The following CNTNAP5 variants were observed in gnomAD, a reference collection of about 807,000 sequenced individuals.
CNTNAP5 encodes the protein contactin associated protein family member 5, also known as contactin-associated protein-like 5.
A neutral mutation model predicts 150.2 loss-of-function variants in CNTNAP5; 72 were observed. The observed-to-expected ratio is 0.48, with a 90% CI of 0.40 to 0.58. The LOEUF is 0.58. Ranked by LOEUF, CNTNAP5 falls within the 20% of genes least tolerant of loss-of-function variation. The pLI is 0.00. For synonymous variants in CNTNAP5, 672 were observed against 619.8 expected (o/e 1.08, Z -1.25); for missense variants, 1,636 against 1,626.2 (o/e 1.01, Z -0.10).
chr2:124,763,050 T>C (rs1173516883), intron 14 of CNTNAP5, among the ~76,000 whole-genome samples: 1 of 152,096 alleles, frequency 6.6e-6, no homozygotes, highest in Non-Finnish European at 1.5e-5. Context: ...CAATGGCTTA[T>C]CCTATTCTTT....
intron 3 of CNTNAP5, among the ~76,000 whole-genome samples, chr2:124,398,010 T>C (rs1288227558): frequency 1.3e-5 from 2 of 152,236 alleles, no homozygotes; most frequent in African/African-American, 4.8e-5. Flanking sequence ...TTTTTTGTGC[T>C]TCATAATAGA....
chr2:124,685,165 CT>C (rs1679162801), intron 13 of CNTNAP5, among the ~76,000 whole-genome samples: 1 of 152,152 alleles, frequency 6.6e-6, no homozygotes, highest in Non-Finnish European at 1.5e-5. Context: ...CGAGACACCC[CT>C]GGATGAAAAT....
At chr2:124,270,477 C>A (rs1305047224) in intron 3 of CNTNAP5, among the ~76,000 whole-genome samples, 3 of 152,112 alleles carry the variant, frequency 2.0e-5, no homozygotes, top group African/African-American at 4.8e-5. Flanking sequence ...GCTCCTAGGT[C>A]AGGGGCTGGC....
chr2:124,425,410 G>A (rs1011929654), intron 4 of CNTNAP5, among the ~76,000 whole-genome samples: 2 of 152,174 alleles, frequency 1.3e-5, no homozygotes, highest in African/African-American at 2.4e-5. Flanking sequence ...TACTGATGAC[G>A]GTAGAAGTCA....
chr2:124,484,721 G>GTGATT lies in CNTNAP5; in HGVS notation c.1062+9839_1062+9840insTGATT, dbSNP rs1367776218. 5.9e-5 allele frequency among the ~76,000 whole-genome samples: 9 copies of GTGATT among 152,214 alleles called. No individual in the cohort carries two copies. The East Asian group carries it at 1.7e-3, about 29-fold the overall frequency. ...GGCCTTTTAGAAGTACAACACTAAAGGTTATAGATCAGTGATTATTAGTAT... is the reference window on the plus strand; with the variant it reads ...GGCCTTTTAGAAGTACAACACTAAAGTGATTGTTATAGATCAGTGATTATTAGTAT... On this transcript the variant is annotated intron_variant, in intron 7 of 23. Transcript: ENST00000682447.
intron 3 of CNTNAP5, among the ~76,000 whole-genome samples, chr2:124,350,488 G>A (rs1219794220): frequency 1.3e-5 from 2 of 150,754 alleles, no homozygotes; most frequent in Non-Finnish European, 3.0e-5. Flanking sequence ...TCCATGGTCA[G>A]TTCTTACGCC....
intron 10 of CNTNAP5, among the ~76,000 whole-genome samples, chr2:124,551,068 C>T (rs1695616590): frequency 6.6e-6 from 1 of 152,112 alleles, no homozygotes; most frequent in African/African-American, 2.4e-5. Context: ...AGGACCTTTC[C>T]CTTTTCTGTT....
intron 3 of CNTNAP5, among the ~76,000 whole-genome samples, chr2:124,372,840 G>A (rs989776111): frequency 6.6e-6 from 1 of 152,060 alleles, no homozygotes; most frequent in African/African-American, 2.4e-5. Context: ...AACACAGGAC[G>A]AAGCACTAAC....
At chr2:124,237,288 T>C (rs1007116875) in intron 2 of CNTNAP5, among the ~76,000 whole-genome samples, 2 of 152,182 alleles carry the variant, frequency 1.3e-5, no homozygotes, top group Non-Finnish European at 2.9e-5. Context: ...TAGTATATAA[T>C]CCATTTTGTG....
chr2:124,031,687 A>G (rs1483136759), intron 1 of CNTNAP5, among the ~76,000 whole-genome samples: 2 of 152,170 alleles, frequency 1.3e-5, no homozygotes, highest in African/African-American at 4.8e-5. Flanking sequence ...CAATTTTATT[A>G]ACTTGCTTTA....
At chr2:124,463,760 C>T (rs1455621197) in intron 6 of CNTNAP5, among the ~76,000 whole-genome samples, 1 of 152,112 alleles carries the variant, frequency 6.6e-6, no homozygotes, top group African/African-American at 2.4e-5. Flanking sequence ...GTCACCTTAG[C>T]CTGGGACTTT....
At chr2:124,749,165 A>C (rs1276714840) in intron 14 of CNTNAP5, among the ~76,000 whole-genome samples, 2 of 152,178 alleles carry the variant, frequency 1.3e-5, no homozygotes. Flanking sequence ...CTGCCGTAAA[A>C]CATATTCAAA....
chr2:124,747,287 A>T lies in CNTNAP5; in HGVS notation c.2136A>T (p.Gly712=). 1.2e-6 allele frequency: 2 copies of T among 1,613,756 alleles called. No homozygotes were observed. ...CCAATGAAAGGCACCCTTACTGGGG[A>T]GGTTCCCCTCCTGGGGTCCAGCAGT... The part of the protein sequence containing the change: ...GRSNERHPYW[G]GSPPGVQQCE... The change falls in exon 14 of 24, where the codon GGA becomes GGT. Residue 712 remains glycine (G), a synonymous_variant. Coordinates refer to ENST00000682447, the MANE Select transcript of CNTNAP5 (RefSeq NM_001367498.1).
intron 3 of CNTNAP5, among the ~76,000 whole-genome samples, chr2:124,275,598 A>C (rs932329813): frequency 2.0e-5 from 3 of 152,016 alleles, no homozygotes. Context: ...TGTCTATTTC[A>C]ATTTCTGACC....
intron 1 of CNTNAP5, 39 bp from the exon 2 acceptor site, chr2:124,221,666 G>T: frequency 8.0e-7 from 1 of 1,255,004 alleles, no homozygotes; most frequent in Non-Finnish European, 1.2e-6. Context: ...CTTGCTAATA[G>T]AATCTGGTCT....
intron 12 of CNTNAP5, among the ~76,000 whole-genome samples, chr2:124,618,308 G>T (rs1419950754): frequency 6.6e-6 from 1 of 152,118 alleles, no homozygotes; most frequent in East Asian, 1.9e-4. Flanking sequence ...GCAACAAGAT[G>T]TCCTCACAGC....
chr2:124,625,788 G>A (rs1374614690), intron 12 of CNTNAP5, among the ~76,000 whole-genome samples: 2 of 152,202 alleles, frequency 1.3e-5, no homozygotes, highest in Admixed American at 6.5e-5. Flanking sequence ...CTTGCGTAAT[G>A]TAAGCTGCTG....
chr2:124,736,712 T>C (rs1680389549), intron 13 of CNTNAP5, among the ~76,000 whole-genome samples: 1 of 152,200 alleles, frequency 6.6e-6, no homozygotes, highest in Non-Finnish European at 1.5e-5. Context: ...AATGCACCTA[T>C]ATAGAAGCTA....
intron 3 of CNTNAP5, among the ~76,000 whole-genome samples, chr2:124,302,445 T>G (rs1688587985): frequency 1.3e-5 from 2 of 152,190 alleles, no homozygotes; most frequent in Admixed American, 1.3e-4. Flanking sequence ...AGCATGTCTC[T>G]GGCATCTTAT....
Sources: gnomAD v4.1 joint callset for allele counts (sites outside exome capture counted in the v4.1 genomes callset) on GRCh38, gnomAD v4.1.1 for gene constraint, MANE v1.5 for transcripts, NCBI Gene and HGNC (gene_info 2026-07-23, HGNC 2026-07-21) for gene names.